Variants in COL16A1 observed in about 807,000 individuals in gnomAD.
COL16A1 encodes collagen type XVI alpha 1 chain, also known as collagen alpha-1(XVI) chain.
COL16A1 carries 189 observed loss-of-function variants against 266.3 expected under a neutral mutation model. That is an observed-to-expected ratio of 0.71 (90% CI 0.63 to 0.80). The LOEUF (loss-of-function observed/expected upper bound fraction) is 0.80, where lower values mean the gene tolerates loss of function less well. COL16A1 is among the 30% of genes least tolerant of loss of function. COL16A1 has a pLI of 0.00. For missense variants in COL16A1, 1,928 were observed against 2,122.4 expected (o/e 0.91, Z 1.80); for synonymous variants, 740 against 782.3 (o/e 0.95, Z 0.90).
Position 31,697,333 on chromosome 1 carries a change from T to C in COL16A1, c.658-33A>G. 1.3e-6 allele frequency: 2 copies of C among 1,568,632 alleles called. No individual in the cohort carries two copies. The highest frequency in any genetic ancestry group is 1.7e-6 in the Non-Finnish European group (2 of 1,153,792). On this transcript the variant is annotated intron_variant, in intron 6 of 70. Coordinates refer to ENST00000373672, the MANE Select transcript of COL16A1 (RefSeq NM_001856.4). The surrounding 1 kb of genome is among the most constrained non-coding windows in gnomAD (Gnocchi z 4.2). Reference sequence around the variant, plus strand: ...AGACACACACATCAATTTCACTTCATTTTATCAAATAGCTCTGTGTCCTGG... The same window carrying C: ...AGACACACACATCAATTTCACTTCACTTTATCAAATAGCTCTGTGTCCTGG...
In COL16A1 at chr1:31,703,388, C is replaced by A. The variant is rs141308060; in HGVS notation, c.-35+449G>T. On this transcript the variant is annotated intron_variant, in intron 1 of 70. Coordinates refer to ENST00000373672, the MANE Select transcript of COL16A1 (RefSeq NM_001856.4). ...CAGCCCCCTTCTCCCTGGGACAGAA[C>A]TGTGCCCCCAGCCTGCCTATTCATC... Among the ~76,000 whole-genome samples, 102 of 152,256 alleles carry A rather than the reference C, an allele frequency of 6.7e-4. 1 individual carries two copies. The East Asian group carries it at 0.017, about 25-fold the overall frequency.
chr1:31,679,551 T>C, intron 42 of COL16A1, 81 bp downstream of exon 42: 1 of 1,613,964 alleles, frequency 6.2e-7, no homozygotes, highest in Non-Finnish European at 8.5e-7. Context: ...GGGAGCAGCA[T>C]CCTTGGGGTC....
At position 31,692,206 on chromosome 1, in the gene COL16A1, G is replaced by A. The variant is rs768373361; in HGVS notation, c.1195-139C>T. The A allele has an allele frequency of 9.0e-4, 1,215 of 1,350,350 alleles. 2 individuals carry two copies. Among genetic ancestry groups the A allele is most frequent in the Non-Finnish European group, 1.1e-3 (1,107 of 967,532 alleles). The allele number at this position is 1,350,350 out of a possible 1,614,324, so 83.6% of individuals were successfully genotyped here. A position where few individuals can be genotyped will look rare whatever the true frequency, so the allele number is the denominator to read the frequency against. On this transcript the variant is annotated intron_variant, in intron 16 of 70. Transcript: ENST00000373672. ...GAGGGTGAATGGCTTCAATCACCAC[G>A]GGAGGGTAGACAACAGACCAGACAA...
At chr1:31,693,450 C>T (rs1319519041) in intron 12 of COL16A1, among the ~76,000 whole-genome samples, 1 of 152,212 alleles carries the variant, frequency 6.6e-6, no homozygotes, top group African/African-American at 2.4e-5. Flanking sequence ...TCAGCTCACA[C>T]ACAGCACAGC....
Position 31,679,622 on chromosome 1 carries a change from C to G in COL16A1, c.2772+10G>C. 1 of 1,614,246 alleles carries G rather than the reference C, an allele frequency of 6.2e-7. No individual in the cohort carries two copies. Reference sequence around the variant, plus strand: ...CCACCCAAGCTCCTCATTCTCTTCTCCCCCTTTACCTGCAGCCCAGGTACT... The same window carrying G: ...CCACCCAAGCTCCTCATTCTCTTCTGCCCCTTTACCTGCAGCCCAGGTACT... On this transcript the variant is annotated intron_variant, in intron 42 of 70. Transcript: ENST00000373672.
intron 23 of COL16A1, 177 bp downstream of exon 23, chr1:31,689,564 C>A: frequency 3.2e-6 from 2 of 625,884 alleles, no homozygotes; most frequent in Non-Finnish European, 5.7e-6. Context: ...TCTAGCCCAG[C>A]CCTGAGTTCT....
intron 30 of COL16A1, 35 bp from the exon 31 acceptor site, chr1:31,684,665 G>A (rs763704916): frequency 1.2e-6 from 2 of 1,609,974 alleles, no homozygotes; most frequent in South Asian, 2.2e-5. Flanking sequence ...AGCAAGGATG[G>A]CCCAGCCGGG....
In COL16A1 at chr1:31,685,524, C is replaced by G; in HGVS notation, c.2016+115G>C. 2.3e-6 allele frequency: 3 copies of G among 1,283,814 alleles called. No homozygotes were observed. The highest frequency in any genetic ancestry group is 3.2e-6 in the Non-Finnish European group (3 of 923,646). 79.5% of individuals were successfully genotyped at this position (1,283,814 alleles called of 1,614,324 possible). On this transcript the variant is annotated intron_variant, in intron 29 of 70. Transcript: ENST00000373672. The surrounding 1 kb of genome is among the most constrained non-coding windows in gnomAD (Gnocchi z 4.0). ...ACAGAGGCTCTGACCCCGCCACACC[C>G]TCCCCACTACCCCCAACTGCCCAGG...
rs752003254 is a variant in COL16A1, at chr1:31,653,640, C to G, written c.4571G>C (p.Gly1524Ala). The G allele has an allele frequency of 6.2e-7, 1 of 1,613,812 alleles. No individual in the cohort carries two copies. The highest frequency in any genetic ancestry group is 1.3e-5 in the African/African-American group (1 of 74,852). ...ACCATTTTCTCCTGCAATGCCAATA[C>G]CAATGTCCCCTTTTTCACCTTTGGT... Reference protein sequence around the residue: ...PGTKGEKGDIGIGIAGENGLP... With the variant: ...PGTKGEKGDIAIGIAGENGLP... Residue 1524 changes from glycine (G) to alanine (A), a missense_variant, in exon 70 of 71, where the codon GGT (glycine) becomes GCT (alanine). By Grantham distance (60) the Gly-to-Ala change is moderately conservative (BLOSUM62 0). Around this residue, in one of 2 missense-constraint regions of COL16A1, gnomAD observed 376 missense variants for 485.2 expected, o/e 0.77. Transcript: ENST00000373672.
In COL16A1 at chr1:31,698,037, C is replaced by A. The variant is rs1314554481; in HGVS notation, c.526G>T (p.Ala176Ser). ...LRWHKLMLSV[A>S]GRVASVHVDC... ...ACGTGCACAGAGGCCACACGTCCAG[C>A]CACACTCAGCATCAGCTTGTGCCAA... The change falls in exon 6 of 71, where the codon GCT (alanine) becomes TCT (serine). Residue 176 changes from alanine to serine, a missense_variant. This residue lies in a region of COL16A1 where 1,552 missense variants were observed against 1,637.2 expected (regional missense o/e 0.95). Coordinates refer to ENST00000373672, the MANE Select transcript of COL16A1 (RefSeq NM_001856.4). This position sits in a 1 kb window ranked among gnomAD's most constrained non-coding sequence, Gnocchi z 4.1. 1.2e-6 allele frequency: 2 copies of A among 1,613,896 alleles called. No homozygotes were observed. Among genetic ancestry groups the A allele is most frequent in the South Asian group, 2.2e-5 (2 of 91,074 alleles).
chr1:31,656,441 G>C lies in COL16A1; in HGVS notation c.4060C>G (p.Pro1354Ala), dbSNP rs767372292. 2 of 1,612,606 alleles carry C rather than the reference G, an allele frequency of 1.2e-6. No homozygotes were observed. The highest frequency in any genetic ancestry group is 2.7e-5 in the African/African-American group (2 of 74,892). Residue 1354 changes from proline to alanine, a missense_variant, in exon 66 of 71, where the codon CCC becomes GCC. Pro to Ala is a conservative substitution (Grantham distance 27). This residue lies in a region of COL16A1 where 376 missense variants were observed against 485.2 expected (regional missense o/e 0.77). Coordinates refer to ENST00000373672, the MANE Select transcript of COL16A1 (RefSeq NM_001856.4). The surrounding 1 kb of genome is among the most constrained non-coding windows in gnomAD (Gnocchi z 4.2). ...GTDGAAGKEG[P>A]PGKQGFYGPP... The stretch of plus-strand genomic sequence containing the variant: ...CCATAGAATCCCTGCTTTCCAGGGG[G>C]TCCCTAGAGGAAAGCAAAAGTCAGA...
intron 60 of COL16A1, 126 bp from the exon 61 acceptor site, chr1:31,661,245 C>T: frequency 6.8e-7 from 1 of 1,474,070 alleles, no homozygotes; most frequent in Non-Finnish European, 9.2e-7. Context: ...CTGATGCCCT[C>T]CAGCTGGTAG....
chr1:31,671,913 T>TA (rs1642745501), intron 47 of COL16A1, among the ~76,000 whole-genome samples: 2 of 152,054 alleles, frequency 1.3e-5, no homozygotes, highest in South Asian at 4.1e-4. Context: ...ACAAAATAAA[T>TA]AAAAACCCCT....
At chr1:31,672,681 G>A in intron 45 of COL16A1, 43 bp downstream of exon 45, 1 of 1,608,102 alleles carries the variant, frequency 6.2e-7, no homozygotes, top group South Asian at 1.1e-5. Flanking sequence ...GAGGCAGCCA[G>A]GGAACCCTCC....
Position 31,688,871 on chromosome 1 carries a change from G to T in COL16A1, c.1757C>A (p.Pro586His). The change falls in exon 25 of 71, where the codon CCT becomes CAT. Residue 586 changes from proline (P) to histidine (H), a missense_variant. Pro to His is a moderately conservative substitution (Grantham distance 77). Coordinates refer to ENST00000373672, the MANE Select transcript of COL16A1 (RefSeq NM_001856.4). This position sits in a 1 kb window ranked among gnomAD's most constrained non-coding sequence, Gnocchi z 4.9. ...GDVGSPGFGL[P>H]GLPGRAGVPG... ...AAAGTCGTCACTCACCGGAAGGCCA[G>T]GCAGACCAAAGCCAGGGGAACCCAC... 6.2e-7 allele frequency: 1 copy of T among 1,613,798 alleles called. No individual in the cohort carries two copies. Among genetic ancestry groups the T allele is most frequent in the Non-Finnish European group, 8.5e-7 (1 of 1,179,830 alleles).
chr1:31,695,799 G>A lies in COL16A1; in HGVS notation c.919-12C>T. On this transcript the variant is annotated splice_polypyrimidine_tract_variant and intron_variant, in intron 9 of 70. Coordinates refer to ENST00000373672, the MANE Select transcript of COL16A1 (RefSeq NM_001856.4). ...GTCTCCTGATGGACCTGAGGAAAGGGTGGGGGGTGTGGGAATGGGCAGGGA... is the reference window on the plus strand; with the variant it reads ...GTCTCCTGATGGACCTGAGGAAAGGATGGGGGGTGTGGGAATGGGCAGGGA... The A allele has an allele frequency of 1.2e-6, 2 of 1,612,352 alleles. No homozygotes were observed. Among genetic ancestry groups the A allele is most frequent in the South Asian group, 2.2e-5 (2 of 91,008 alleles).
chr1:31,652,338 A>T lies in COL16A1; in HGVS notation c.*313T>A. The T allele has an allele frequency of 5.4e-6, 1 of 186,174 alleles. No individual in the cohort carries two copies. The allele number at this position is 186,174 out of a possible 1,614,324, so 11.5% of individuals were successfully genotyped here. On this transcript the variant is annotated 3_prime_UTR_variant, in exon 71 of 71. Coordinates refer to ENST00000373672, the MANE Select transcript of COL16A1 (RefSeq NM_001856.4). The surrounding 1 kb of genome is among the most constrained non-coding windows in gnomAD (Gnocchi z 4.8). The stretch of plus-strand genomic sequence containing the variant: ...AGACTGGTCTCAAACTCCTGGGCTC[A>T]GGCGATCCTCCCACCTCAGCCCCTT...
Position 31,688,530 on chromosome 1 carries a change from G to A in COL16A1, c.1768-28C>T, listed in dbSNP as rs370698502. The A allele has an allele frequency of 5.6e-5, 90 of 1,613,944 alleles. No individual in the cohort carries two copies. The highest frequency in any genetic ancestry group is 8.0e-5 in the African/African-American group (6 of 74,886). On this transcript the variant is annotated intron_variant, in intron 25 of 70. Transcript: ENST00000373672. The surrounding 1 kb of genome is among the most constrained non-coding windows in gnomAD (Gnocchi z 4.9). ...GAAAAACAACCAAGACAGAGTCTCA[G>A]CATCTCCCCACTCCCACCTCTCCAA... is the stretch of plus-strand genomic sequence containing the variant.
chr1:31,694,509 A>C lies in COL16A1; in HGVS notation c.982-339T>G, dbSNP rs934298550. Reference sequence around the variant, plus strand: ...CAGATTTGGTGGGGGACTGGATTGAAAGAGGGAGCAGGGAGCCTAGGAGGT... The same window carrying C: ...CAGATTTGGTGGGGGACTGGATTGACAGAGGGAGCAGGGAGCCTAGGAGGT... On this transcript the variant is annotated intron_variant, in intron 11 of 70. Coordinates refer to ENST00000373672, the MANE Select transcript of COL16A1 (RefSeq NM_001856.4). 2.6e-5 allele frequency among the ~76,000 whole-genome samples: 4 copies of C among 152,184 alleles called. No individual in the cohort carries two copies. In the South Asian group the frequency reaches 6.2e-4, roughly 24 times the overall value.
Sources: allele counts gnomAD v4.1 joint callset (sites outside exome capture counted in the v4.1 genomes callset), GRCh38; gene constraint gnomAD v4.1.1; regional missense constraint gnomAD v4.1.1; non-coding constraint Gnocchi (gnomAD v3.1); transcripts MANE v1.5; gene names NCBI Gene and HGNC (gene_info 2026-07-23, HGNC 2026-07-21).